Variants in PDE4D observed in about 807,000 individuals in gnomAD.
The protein encoded by PDE4D is phosphodiesterase 4D, also known as 3',5'-cyclic-AMP phosphodiesterase 4D.
A neutral mutation model predicts 87.4 loss-of-function variants in PDE4D; 24 were observed. The observed-to-expected ratio is 0.27, with a 90% confidence interval of 0.20 to 0.39. The LOEUF (loss-of-function observed/expected upper bound fraction) is 0.39, where lower values mean the gene tolerates loss of function less well. Ranked by LOEUF, PDE4D falls within the 10% of genes least tolerant of loss-of-function variation. The pLI is 1.00. For synonymous variants in PDE4D, 384 were observed against 383.2 expected, an observed-to-expected ratio of 1.00 and a Z score of -0.02; for missense variants, 714 against 1,041.0, an observed-to-expected ratio of 0.69 and a Z score of 4.32.
intron 1 of PDE4D, among the ~76,000 whole-genome samples, chr5:59,870,384 G>A (rs1022660211): frequency 1.3e-5 from 2 of 152,090 alleles, no homozygotes; most frequent in Non-Finnish European, 2.9e-5. Flanking sequence ...ATATATAAAT[G>A]TAACAAATGC....
chr5:59,073,507 CG>C (rs56301552), intron 5 of PDE4D, among the ~76,000 whole-genome samples: 10 of 38,202 alleles, frequency 2.6e-4, no homozygotes, highest in East Asian at 1.8e-3. Context: ...AAGTGGGGGG[CG>C]GGGGGGGCGG....
chr5:59,142,028 C>T (rs1777968558), intron 5 of PDE4D, among the ~76,000 whole-genome samples: 1 of 152,104 alleles, frequency 6.6e-6, no homozygotes, highest in South Asian at 2.1e-4. Context: ...TGCAACCTGG[C>T]CCCACCCTGT....
chr5:60,012,429 AAG>A (rs1228079138), intron 2 of PDE4D, among the ~76,000 whole-genome samples: 4 of 152,220 alleles, frequency 2.6e-5, no homozygotes, highest in Non-Finnish European at 5.9e-5. Flanking sequence ...GTGACTTTAT[AAG>A]AGAGCATAAG....
At chr5:59,208,014 A>C (rs1176966205) in intron 2 of PDE4D, among the ~76,000 whole-genome samples, 1 of 150,686 alleles carries the variant, frequency 6.6e-6, no homozygotes, top group South Asian at 2.1e-4. Flanking sequence ...AAAAAAAAAC[A>C]CAATCAGCCA....
At chr5:59,475,108 T>C (rs1318643274) in intron 1 of PDE4D, among the ~76,000 whole-genome samples, 1 of 152,074 alleles carries the variant, frequency 6.6e-6, no homozygotes, top group Non-Finnish European at 1.5e-5. Context: ...GTCTCCTTCC[T>C]AGATAACTGT....
chr5:60,506,438 T>C (rs1346085323), intron 1 of PDE4D, among the ~76,000 whole-genome samples: 1 of 152,202 alleles, frequency 6.6e-6, no homozygotes, highest in Non-Finnish European at 1.5e-5. Context: ...GAACAGACTA[T>C]TCCATGAATG....
intron 2 of PDE4D, among the ~76,000 whole-genome samples, chr5:60,046,411 G>A (rs1295105726): frequency 6.6e-6 from 1 of 152,212 alleles, no homozygotes; most frequent in Non-Finnish European, 1.5e-5. Context: ...ATGTTGAATA[G>A]GAGGGGTGAG....
chr5:59,046,124 C>T (rs1183954590), intron 5 of PDE4D, among the ~76,000 whole-genome samples: 1 of 152,118 alleles, frequency 6.6e-6, no homozygotes. Context: ...ATTTCTTTCA[C>T]GAGAGTCTGC....
chr5:59,516,834 TTG>T (rs1811249988), intron 1 of PDE4D, among the ~76,000 whole-genome samples: 1 of 152,122 alleles, frequency 6.6e-6, no homozygotes, highest in Non-Finnish European at 1.5e-5. Flanking sequence ...GACAAAAAAT[TTG>T]TCTTTCAAAA....
At chr5:60,173,483 C>A (rs1338518414) in intron 2 of PDE4D, among the ~76,000 whole-genome samples, 3 of 151,952 alleles carry the variant, frequency 2.0e-5, no homozygotes, top group Non-Finnish European at 4.4e-5. Flanking sequence ...AATAATCTAA[C>A]ATTTCATCTA....
chr5:59,077,473 TTC>T (rs1460260220), intron 5 of PDE4D, among the ~76,000 whole-genome samples: 1 of 112,082 alleles, frequency 8.9e-6, no homozygotes, highest in Non-Finnish European at 1.9e-5. Context: ...TTTTTTTTTC[TTC>T]TTTTTTTTTT....
chr5:60,268,955 A>T (rs1410432169), intron 1 of PDE4D, among the ~76,000 whole-genome samples: 1 of 152,198 alleles, frequency 6.6e-6, no homozygotes, highest in African/African-American at 2.4e-5. Context: ...CAAAAAGAAA[A>T]ATCTGCTGTT....
intron 12 of PDE4D, 30 bp from the exon 13 acceptor site, chr5:58,976,502 A>T: frequency 6.8e-7 from 1 of 1,473,742 alleles, no homozygotes; most frequent in Non-Finnish European, 9.2e-7. Context: ...TATTAAGTTC[A>T]GAGAAAACAG....
chr5:59,110,836 C>T (rs1486884373), intron 5 of PDE4D, among the ~76,000 whole-genome samples: 1 of 152,168 alleles, frequency 6.6e-6, no homozygotes, highest in Non-Finnish European at 1.5e-5. Context: ...GGTGCCACTA[C>T]ACCCCAGACT....
intron 1 of PDE4D, among the ~76,000 whole-genome samples, chr5:59,606,044 T>A (rs1190229713): frequency 6.6e-6 from 1 of 152,098 alleles, no homozygotes; most frequent in Non-Finnish European, 1.5e-5. Flanking sequence ...TATATTCATA[T>A]GTAGATGCAG....
intron 1 of PDE4D, among the ~76,000 whole-genome samples, chr5:60,496,187 TTC>T (rs1349759232): frequency 1.4e-4 from 21 of 152,216 alleles, no homozygotes; most frequent in African/African-American, 5.1e-4. Context: ...TCAGGAAATC[TTC>T]TGTTTGCTTT....
chr5:60,353,605 T>G (rs1759370407), intron 1 of PDE4D, among the ~76,000 whole-genome samples: 1 of 152,186 alleles, frequency 6.6e-6, no homozygotes, highest in African/African-American at 2.4e-5. Flanking sequence ...CCCAACAGAC[T>G]AGCACTTTCA....
intron 2 of PDE4D, among the ~76,000 whole-genome samples, chr5:60,070,756 T>A (rs1582499769): frequency 6.6e-6 from 1 of 152,084 alleles, no homozygotes; most frequent in Admixed American, 6.6e-5. Context: ...AGAAATGGTA[T>A]AAATTTTTCT....
intron 1 of PDE4D, among the ~76,000 whole-genome samples, chr5:60,501,137 C>T (rs1426806350): frequency 6.6e-6 from 1 of 152,130 alleles, no homozygotes; most frequent in African/African-American, 2.4e-5. Context: ...TCTCCTAATA[C>T]TATCCCTCCC....
Sources: gnomAD v4.1 joint callset for allele counts (sites outside exome capture counted in the v4.1 genomes callset) on GRCh38, gnomAD v4.1.1 for gene constraint, MANE v1.5 for transcripts, NCBI Gene and HGNC (gene_info 2026-07-23, HGNC 2026-07-21) for gene names.